ELL: variants seen among roughly 807,000 people sequenced by gnomAD.
ELL encodes the protein RNA polymerase II elongation factor ELL.
ELL carries 18 observed loss-of-function variants against 64.0 expected under a neutral mutation model. The observed-to-expected ratio is 0.28, with a 90% CI of 0.19 to 0.42. The LOEUF is 0.42. Among genes scored for constraint, ELL ranks in the 10% least tolerant of loss-of-function variants. ELL has a pLI of 1.00. For synonymous variants in ELL, 399 were observed against 376.2 expected, an observed-to-expected ratio of 1.06 and a Z score of -0.70; for missense variants, 797 against 870.4, an observed-to-expected ratio of 0.92 and a Z score of 1.06.
At chr19:18,487,104 TG>T (rs1975434334) in intron 1 of ELL, among the ~76,000 whole-genome samples, 1 of 152,202 alleles carries the variant, frequency 6.6e-6, no homozygotes, top group Non-Finnish European at 1.5e-5. Context: ...TAGACCCTGC[TG>T]CTCAGACCCC....
chr19:18,472,896 A>T lies in ELL; in HGVS notation c.136-14T>A. 1 of 1,564,170 alleles carries T rather than the reference A, an allele frequency of 6.4e-7. No homozygotes were observed. The highest frequency in any genetic ancestry group is 1.2e-5 in the South Asian group (1 of 83,046). On this transcript the variant is annotated splice_polypyrimidine_tract_variant and intron_variant, in intron 1 of 11. Coordinates refer to ENST00000262809, the MANE Select transcript of ELL (RefSeq NM_006532.4). ...TGAAACAGAATCCTATAAAAAAAAA[A>T]AAAAAAAAAAAAAGGTGAGGGGAAC...
intron 1 of ELL, among the ~76,000 whole-genome samples, chr19:18,476,101 T>C (rs1975169567): frequency 6.6e-6 from 1 of 152,148 alleles, no homozygotes; most frequent in Non-Finnish European, 1.5e-5. Context: ...CCAGTCCTCA[T>C]GGGCCCCAGG....
At chr19:18,482,168 G>A (rs1362065866) in intron 1 of ELL, among the ~76,000 whole-genome samples, 2 of 151,728 alleles carry the variant, frequency 1.3e-5, no homozygotes, top group East Asian at 3.9e-4. Context: ...CTTCAGTGGT[G>A]AAGCTGTACA....
chr19:18,446,191 C>T (rs1974409695), intron 10 of ELL, 118 bp downstream of exon 10: 1 of 1,269,418 alleles, frequency 7.9e-7, no homozygotes. Flanking sequence ...GGGAGAAGCG[C>T]TGCCTGGGGA....
Position 18,451,570 on chromosome 19 carries a change from G to A in ELL, c.948C>T (p.Arg316=), listed in dbSNP as rs1361578166. 1.3e-6 allele frequency: 2 copies of A among 1,491,458 alleles called. No homozygotes were observed. Among genetic ancestry groups the A allele is most frequent in the Non-Finnish European group, 8.9e-7 (1 of 1,128,858 alleles). The allele number at this position is 1,491,458 out of a possible 1,614,324, so 92.4% of individuals were successfully genotyped here. A position where few individuals can be genotyped will look rare whatever the true frequency, so the allele number is the denominator to read the frequency against. ...AASSPPGERG[R]SASPPQKRLQ... ...CACTTACCTGTGGGGGCGAGGCCGA[G>A]CGCCCACGCTCGCCTGGGGGGCTGG... Residue 316 remains arginine, a synonymous_variant, in exon 7 of 12, where the codon CGC becomes CGT. Transcript: ENST00000262809.
rs1404744690 is a variant in ELL at position 18,449,456 on chromosome 19, C to T, written c.1465+1021G>A. On this transcript the variant is annotated intron_variant, in intron 8 of 11. Coordinates refer to ENST00000262809, the MANE Select transcript of ELL (RefSeq NM_006532.4). This position sits in a 1 kb window ranked among gnomAD's most constrained non-coding sequence, Gnocchi z 4.4. ...GAAGCCCAGCACGAGGCAGGGCTGA[C>T]CCAACCCCGAAAGTCTTCCTTCCTA... Among the ~76,000 whole-genome samples the T allele has an allele frequency of 1.3e-5, 2 of 152,126 alleles. No homozygotes were observed. The highest frequency in any genetic ancestry group is 6.5e-5 in the Admixed American group (1 of 15,282).
At position 18,444,641 on chromosome 19, in the gene ELL, C is replaced by T. The variant is rs1261817386; in HGVS notation, c.*111G>A. On this transcript the variant is annotated 3_prime_UTR_variant, in exon 12 of 12. Coordinates refer to ENST00000262809, the MANE Select transcript of ELL (RefSeq NM_006532.4). ...CTGCAGGGGCTGCCCTGAAAGCCGGCGGTGCTGGCTCAGATGAGCATCTTC... is the reference window on the plus strand; with the variant it reads ...CTGCAGGGGCTGCCCTGAAAGCCGGTGGTGCTGGCTCAGATGAGCATCTTC... 6 of 1,219,186 alleles carry T rather than the reference C, an allele frequency of 4.9e-6. No individual in the cohort carries two copies. Among genetic ancestry groups the T allele is most frequent in the South Asian group, 3.0e-5 (2 of 67,424 alleles). 75.5% of individuals were successfully genotyped at this position (1,219,186 alleles called of 1,614,324 possible).
At chr19:18,457,434 C>T (rs1974704790) in intron 6 of ELL, among the ~76,000 whole-genome samples, 1 of 152,190 alleles carries the variant, frequency 6.6e-6, no homozygotes, top group Admixed American at 6.5e-5. Flanking sequence ...ACCTGCACAC[C>T]CAGGGTGGAC....
intron 1 of ELL, among the ~76,000 whole-genome samples, chr19:18,504,987 G>A (rs1311902457): frequency 6.6e-6 from 1 of 152,222 alleles, no homozygotes; most frequent in Non-Finnish European, 1.5e-5. Flanking sequence ...TTGCCTTGTG[G>A]AGACAACCCA....
intron 1 of ELL, among the ~76,000 whole-genome samples, chr19:18,485,675 A>G (rs1255272190): frequency 6.6e-6 from 1 of 152,086 alleles, no homozygotes; most frequent in East Asian, 1.9e-4. Flanking sequence ...TTCGTGCCAC[A>G]TTCACAGTCA....
intron 1 of ELL, among the ~76,000 whole-genome samples, chr19:18,481,976 C>T (rs1194324736): frequency 6.6e-6 from 1 of 152,146 alleles, no homozygotes; most frequent in Admixed American, 6.5e-5. Context: ...CCGCCGGCAG[C>T]GAATGAGAGT....
At chr19:18,509,594 CACATACACA>C (rs1975967577) in intron 1 of ELL, among the ~76,000 whole-genome samples, 1 of 39,142 alleles carries the variant, frequency 2.6e-5, no homozygotes, top group African/African-American at 2.8e-4. Context: ...CGCGCGCGCG[CACATACACA>C]CACACACACA....
intron 1 of ELL, among the ~76,000 whole-genome samples, chr19:18,514,513 C>CAAAAAAAA (rs557236460): frequency 2.5e-5 from 1 of 39,302 alleles, no homozygotes; most frequent in Non-Finnish European, 5.8e-5. Context: ...GACTCCATCT[C>CAAAAAAAA]AAAAAAAAAA....
intron 4 of ELL, among the ~76,000 whole-genome samples, chr19:18,462,179 AGTGTGTGTGTGTGT>A (rs758119031): frequency 4.2e-4 from 50 of 120,044 alleles, no homozygotes; most frequent in South Asian, 5.9e-4. Context: ...TCTGGTGGGC[AGTGTGTGTGTGTGT>A]GTGTGTGTGT....
At chr19:18,446,010 G>A (rs969586205) in intron 10 of ELL, 24 of 388,114 alleles carry the variant, frequency 6.2e-5, no homozygotes, top group Non-Finnish European at 8.9e-5. Context: ...GACCCCAGGC[G>A]CTCAAACATG....
At chr19:18,518,228 G>A (rs1253633452) in intron 1 of ELL, among the ~76,000 whole-genome samples, 3 of 152,102 alleles carry the variant, frequency 2.0e-5, no homozygotes, top group South Asian at 4.1e-4. Flanking sequence ...GGCCAGGCAC[G>A]ATGGCTCACT....
At chr19:18,445,148 G>C (rs1974385781) in intron 11 of ELL, 76 bp downstream of exon 11, 2 of 1,578,546 alleles carry the variant, frequency 1.3e-6, no homozygotes, top group East Asian at 4.5e-5. Flanking sequence ...GGGCAGGGAG[G>C]CTGCCCCGGG....
rs1399263240 is a variant in ELL, at chr19:18,467,658, C to A, written c.184-1740G>T. Among the ~76,000 whole-genome samples, 15 of 109,170 alleles carry A rather than the reference C, an allele frequency of 1.4e-4. 1 individual carries two copies. Among genetic ancestry groups the A allele is most frequent in the East Asian group, 1.0e-3 (4 of 3,880 alleles). 71.6% of individuals were successfully genotyped at this position (109,170 alleles called of 152,430 possible). A position where few individuals can be genotyped will look rare whatever the true frequency, so the allele number is the denominator to read the frequency against. ...ACACACACACACACACACACACACA[C>A]ACACACACACACACAAACACAACCC... On this transcript the variant is annotated intron_variant, in intron 2 of 11. Coordinates refer to ENST00000262809, the MANE Select transcript of ELL (RefSeq NM_006532.4).
At chr19:18,487,377 G>A (rs1026082395) in intron 1 of ELL, among the ~76,000 whole-genome samples, 4 of 152,230 alleles carry the variant, frequency 2.6e-5, no homozygotes, top group Non-Finnish European at 5.9e-5. Context: ...CTTCGTGCTT[G>A]AGGAGCAGCT....
Sources: gnomAD v4.1 joint callset for allele counts (sites outside exome capture counted in the v4.1 genomes callset) on GRCh38, gnomAD v4.1.1 for gene constraint, Gnocchi (gnomAD v3.1) non-coding constraint, MANE v1.5 for transcripts, NCBI Gene and HGNC (gene_info 2026-07-23, HGNC 2026-07-21) for gene names.